TECRL: variants seen among roughly 807,000 people sequenced by gnomAD.
TECRL encodes trans-2,3-enoyl-CoA reductase like.
A neutral mutation model predicts 52.8 loss-of-function variants in TECRL; 63 were observed. The observed-to-expected ratio is 1.19, with a 90% CI of 0.97 to 1.47. TECRL has a LOEUF of 1.47. TECRL is among the 40% of genes most tolerant of loss of function. TECRL has a pLI of 0.00. For synonymous variants in TECRL, 164 were observed against 141.9 expected (o/e 1.16, Z -1.10); for missense variants, 482 against 429.6 (o/e 1.12, Z -1.08).
At position 64,319,206 on chromosome 4, in the gene TECRL, C is replaced by A. The variant is rs139082520; in HGVS notation, c.435+3483G>T. Among the ~76,000 whole-genome samples, 5 of 150,820 alleles carry A rather than the reference C, an allele frequency of 3.3e-5. No homozygotes were observed. The East Asian group carries it at 9.7e-4, about 29-fold the overall frequency. On this transcript the variant is annotated intron_variant, in intron 4 of 11. Transcript: ENST00000381210. ...AGAAAAGACAGCATGACAATTAATT[C>A]AAAATAAGGTAAGAAAAAAAGAGAA...
chr4:64,399,753 G>A (rs143652407), intron 1 of TECRL, among the ~76,000 whole-genome samples: 224 of 152,290 alleles, frequency 1.5e-3, no homozygotes, highest in African/African-American at 5.2e-3. Flanking sequence ...TGCCAAAGTT[G>A]AGGCTTGGGA....
At chr4:64,330,250 T>A (rs975639126) in intron 2 of TECRL, among the ~76,000 whole-genome samples, 25 of 152,184 alleles carry the variant, frequency 1.6e-4, no homozygotes, top group African/African-American at 5.8e-4. Context: ...CAATTTATTT[T>A]CTGAAATATG....
intron 8 of TECRL, among the ~76,000 whole-genome samples, chr4:64,298,137 C>A (rs1438096226): frequency 2.0e-5 from 3 of 150,956 alleles, no homozygotes; most frequent in Non-Finnish European, 4.5e-5. Flanking sequence ...ATATTTAAAT[C>A]TAAAGATTAT....
chr4:64,341,949 T>C (rs1281079779), intron 2 of TECRL, among the ~76,000 whole-genome samples: 1 of 152,092 alleles, frequency 6.6e-6, no homozygotes, highest in Non-Finnish European at 1.5e-5. Flanking sequence ...ACACCCTTTG[T>C]CACTCCACAC....
At chr4:64,307,179 A>C (rs549995943) in intron 6 of TECRL, among the ~76,000 whole-genome samples, 12 of 152,130 alleles carry the variant, frequency 7.9e-5, no homozygotes, top group Non-Finnish European at 1.6e-4. Context: ...ATTACCTATC[A>C]GTGAAGGGAT....
At chr4:64,358,633 A>G (rs1720954271) in intron 2 of TECRL, among the ~76,000 whole-genome samples, 1 of 151,668 alleles carries the variant, frequency 6.6e-6, no homozygotes, top group African/African-American at 2.4e-5. Flanking sequence ...TGGTATATAT[A>G]TCTTATTATA....
At position 64,409,148 on chromosome 4, in the gene TECRL, T is replaced by C. The variant is rs1234079441; in HGVS notation, c.204A>G (p.Gln68=). The change falls in exon 1 of 12, where the codon CAA becomes CAG. Residue 68 remains glutamine, a synonymous_variant. Coordinates refer to ENST00000381210, the MANE Select transcript of TECRL (RefSeq NM_001010874.5). ...THFEIEIFDA[Q]TRKQICILDK... ...CCAGAATACATATCTGTTTCCTTGT[T>C]TGAGCATCAAATATTTCAATCTCAA... The C allele has an allele frequency of 1.2e-6, 2 of 1,612,752 alleles. No individual in the cohort carries two copies. Among genetic ancestry groups the C allele is most frequent in the East Asian group, 2.2e-5 (1 of 44,786 alleles).
At chr4:64,299,312 A>AGAT (rs1723869736) in intron 8 of TECRL, 1 of 151,164 alleles carries the variant, frequency 6.6e-6, no homozygotes, top group Non-Finnish European at 1.5e-5. Context: ...ATGAACTTGT[A>AGAT]GATGAATCAT....
At chr4:64,329,499 G>T (rs1017937623) in intron 2 of TECRL, among the ~76,000 whole-genome samples, 2 of 151,646 alleles carry the variant, frequency 1.3e-5, no homozygotes, top group Non-Finnish European at 3.0e-5. Context: ...AGGAAGTTCG[G>T]ATGAAAAATA....
At chr4:64,313,671 C>A (rs1178552294) in intron 5 of TECRL, among the ~76,000 whole-genome samples, 1 of 149,494 alleles carries the variant, frequency 6.7e-6, no homozygotes, top group African/African-American at 2.4e-5. Flanking sequence ...TTAGTAGAGA[C>A]GGGGTTTCAC....
At chr4:64,336,208 C>G (rs973417180) in intron 2 of TECRL, among the ~76,000 whole-genome samples, 16 of 152,120 alleles carry the variant, frequency 1.1e-4, no homozygotes, top group African/African-American at 3.6e-4. Flanking sequence ...TTGGTCTATT[C>G]AGAGATTCAA....
intron 2 of TECRL, among the ~76,000 whole-genome samples, chr4:64,344,843 C>A (rs187356599): frequency 9.4e-4 from 143 of 152,256 alleles, no homozygotes; most frequent in African/African-American, 3.3e-3. Flanking sequence ...AACAATAAGA[C>A]ATTTATTATT....
rs1290093879 is a variant in TECRL, at chr4:64,360,137, T to C, written c.286+15035A>G. Among the ~76,000 whole-genome samples, 3 of 152,272 alleles carry C rather than the reference T, an allele frequency of 2.0e-5. No individual in the cohort carries two copies. In the East Asian group the frequency reaches 5.8e-4, roughly 29 times the overall value. On this transcript the variant is annotated intron_variant, in intron 2 of 11. Coordinates refer to ENST00000381210, the MANE Select transcript of TECRL (RefSeq NM_001010874.5). ...TACAGTTTTTGATTGATAATATGTCTTACATCAGATATATTTGAAATGTAG... is the reference window on the plus strand; with the variant it reads ...TACAGTTTTTGATTGATAATATGTCCTACATCAGATATATTTGAAATGTAG...
At chr4:64,308,797 C>G (rs547427301) in intron 6 of TECRL, among the ~76,000 whole-genome samples, 1 of 152,014 alleles carries the variant, frequency 6.6e-6, no homozygotes, top group Non-Finnish European at 1.5e-5. Flanking sequence ...CTTTGCTCCA[C>G]TTGTACTAAT....
At chr4:64,277,661 G>A (rs560817898), downstream of TECRL, 36 of 151,580 alleles carry the variant, frequency 2.4e-4, no homozygotes, top group African/African-American at 7.5e-4. Context: ...GTATATAGTT[G>A]TATATGTATA....
At position 64,328,530 on chromosome 4, in the gene TECRL, C is replaced by T; in HGVS notation, c.313G>A (p.Gly105Ser). ...ACPKWYPSRVGLQLECGGPFL... is the reference protein window; with the variant it reads ...ACPKWYPSRVSLQLECGGPFL... ...TTCTTACCACATTCTAGCTGCAGAC[C>T]AACTCGAGAAGGGTACCACTTTGGA... The change falls in exon 3 of 12, where the codon GGT becomes AGT. Residue 105 changes from glycine (G) to serine (S), a missense_variant. Physicochemically the swap from Gly to Ser is moderately conservative, Grantham distance 56 (BLOSUM62 0). Transcript: ENST00000381210. 1 of 1,611,038 alleles carries T rather than the reference C, an allele frequency of 6.2e-7. No homozygotes were observed. Among genetic ancestry groups the T allele is most frequent in the Non-Finnish European group, 8.5e-7 (1 of 1,178,066 alleles).
At chr4:64,345,767 C>CTAATGCCTT (rs1719911236) in intron 2 of TECRL, among the ~76,000 whole-genome samples, 1 of 151,596 alleles carries the variant, frequency 6.6e-6, no homozygotes, top group Non-Finnish European at 1.5e-5. Context: ...CCTGTTGAAC[C>CTAATGCCTT]TAATGCCTTT....
chr4:64,345,140 T>A (rs994462418), intron 2 of TECRL, among the ~76,000 whole-genome samples: 16 of 152,130 alleles, frequency 1.1e-4, no homozygotes, highest in African/African-American at 3.6e-4. Flanking sequence ...ATTGTGGAAG[T>A]CAGTGTGGCA....
chr4:64,328,612 AAACT>A (rs1374944438), intron 2 of TECRL, 56 bp from the exon 3 acceptor site: 17 of 1,456,784 alleles, frequency 1.2e-5, no homozygotes, highest in East Asian at 2.3e-5. Flanking sequence ...ATAGCTTATA[AAACT>A]AACTGTTTCC....
Sources: allele counts gnomAD v4.1 joint callset (sites outside exome capture counted in the v4.1 genomes callset), GRCh38; gene constraint gnomAD v4.1.1; transcripts MANE v1.5; gene names NCBI Gene and HGNC (gene_info 2026-07-23, HGNC 2026-07-21).